LARS1: variants seen among roughly 807,000 people sequenced by gnomAD.
The protein encoded by LARS1 is leucyl-tRNA synthetase 1.
In LARS1, 100 loss-of-function variants were observed where a neutral mutation model predicts 162.8. The ratio of observed to expected loss-of-function variants is 0.61; its 90% confidence interval spans 0.52 to 0.73. LARS1 has a LOEUF of 0.73. Among genes scored for constraint, LARS1 ranks in the 30% least tolerant of loss-of-function variants. The pLI, the probability that LARS1 is intolerant of heterozygous loss-of-function variation, is 0.00. For synonymous variants in LARS1, 457 were observed against 462.8 expected (o/e 0.99, Z 0.16); for missense variants, 1,258 against 1,408.9 (o/e 0.89, Z 1.71).
chr5:146,144,310 T>G lies in LARS1; in HGVS notation c.1695A>C (p.Leu565Phe). The change falls in exon 18 of 32, where the codon TTA becomes TTC. Residue 565 changes from leucine to phenylalanine, a missense_variant. Physicochemically the swap from Leu to Phe is conservative, Grantham distance 22. Transcript: ENST00000394434. The part of the protein sequence containing the change: ...EETRRNFEAT[L>F]GWLQEHACSR... ...AGCAAGCATGTTCTTGTAGCCAACCTAAGGTGGCTTCAAAATTCCTCCTGG... is the reference window on the plus strand; with the variant it reads ...AGCAAGCATGTTCTTGTAGCCAACCGAAGGTGGCTTCAAAATTCCTCCTGG... 6.2e-7 allele frequency: 1 copy of G among 1,613,712 alleles called. No individual in the cohort carries two copies. Among genetic ancestry groups the G allele is most frequent in the Non-Finnish European group, 8.5e-7 (1 of 1,179,926 alleles).
At chr5:146,155,486 T>C (rs1201488717) in intron 10 of LARS1, among the ~76,000 whole-genome samples, 1 of 152,216 alleles carries the variant, frequency 6.6e-6, no homozygotes, top group African/African-American at 2.4e-5. Context: ...AGTAAAAGGA[T>C]AGTTCTAATT....
chr5:146,148,431 A>G (rs1411884133), intron 15 of LARS1, among the ~76,000 whole-genome samples: 4 of 152,250 alleles, frequency 2.6e-5, no homozygotes, highest in Admixed American at 2.6e-4. Context: ...GAAATGGAGT[A>G]CTGACGAGTG....
At chr5:146,168,917 T>C (rs1212789194) in intron 4 of LARS1, among the ~76,000 whole-genome samples, 1 of 151,842 alleles carries the variant, frequency 6.6e-6, no homozygotes, top group Admixed American at 6.6e-5. Flanking sequence ...ATTTAAAGAT[T>C]ACTGTCAGGA....
intron 10 of LARS1, among the ~76,000 whole-genome samples, chr5:146,155,957 A>C (rs1396776729): frequency 6.6e-6 from 1 of 152,240 alleles, no homozygotes; most frequent in Admixed American, 6.5e-5. Flanking sequence ...ATTGTGGTAC[A>C]ACCAAACAAT....
chr5:146,181,554 G>A (rs1019818797), intron 1 of LARS1, among the ~76,000 whole-genome samples: 5 of 151,930 alleles, frequency 3.3e-5, no homozygotes, highest in South Asian at 4.1e-4. Flanking sequence ...TGGGGAGGCT[G>A]AGGTGTGAGG....
chr5:146,132,749 G>A (rs1057000472), intron 23 of LARS1, 149 bp downstream of exon 23: 8 of 589,554 alleles, frequency 1.4e-5, no homozygotes, highest in East Asian at 2.9e-5. Flanking sequence ...CATAGTACCC[G>A]GCACAAGTAA....
intron 28 of LARS1, among the ~76,000 whole-genome samples, chr5:146,125,925 A>G (rs1752023135): frequency 6.6e-6 from 1 of 151,986 alleles, no homozygotes; most frequent in Non-Finnish European, 1.5e-5. Context: ...AGGTAGTTCT[A>G]CTGGCTTCTA....
chr5:146,128,939 A>C (rs1752158463), intron 26 of LARS1, 39 bp downstream of exon 26: 1 of 1,530,246 alleles, frequency 6.5e-7, no homozygotes, highest in African/African-American at 1.4e-5. Context: ...ATAACTTTTA[A>C]GGAATAATCC....
At chr5:146,179,317 A>C (rs1754731490) in intron 1 of LARS1, among the ~76,000 whole-genome samples, 1 of 151,942 alleles carries the variant, frequency 6.6e-6, no homozygotes, top group African/African-American at 2.4e-5. Context: ...GCGTGCCACC[A>C]TACCTGGCTA....
At chr5:146,135,803 A>G in intron 21 of LARS1, 139 bp from the exon 22 acceptor site, 1 of 594,822 alleles carries the variant, frequency 1.7e-6, no homozygotes, top group Non-Finnish European at 2.8e-6. Flanking sequence ...AAGATATTAC[A>G]CTAATTTTAG....
At chr5:146,157,343 A>G (rs549235804) in intron 10 of LARS1, 60 bp downstream of exon 10, 1 of 1,396,662 alleles carries the variant, frequency 7.2e-7, no homozygotes, top group South Asian at 1.2e-5. Context: ...CTCAATATTC[A>G]TTGTTGAAAT....
intron 20 of LARS1, among the ~76,000 whole-genome samples, chr5:146,142,264 G>C (rs989423105): frequency 6.1e-5 from 9 of 148,498 alleles, no homozygotes; most frequent in African/African-American, 2.2e-4. Context: ...CTCCAGCCTG[G>C]ACTCTGTCTC....
intron 20 of LARS1, among the ~76,000 whole-genome samples, chr5:146,140,869 A>G (rs1033217928): frequency 2.0e-5 from 3 of 152,024 alleles, no homozygotes; most frequent in Non-Finnish European, 4.4e-5. Flanking sequence ...ACACACACAC[A>G]TATATATACA....
intron 6 of LARS1, among the ~76,000 whole-genome samples, chr5:146,162,531 CAT>C (rs1753820628): frequency 6.6e-6 from 1 of 152,060 alleles, no homozygotes; most frequent in African/African-American, 2.4e-5. Context: ...ATTTACAGAG[CAT>C]AGAGTAGATT....
At chr5:146,119,008 C>A (rs994613508) in intron 31 of LARS1, among the ~76,000 whole-genome samples, 1 of 152,146 alleles carries the variant, frequency 6.6e-6, no homozygotes, top group Non-Finnish European at 1.5e-5. Flanking sequence ...TTTCCCCTTA[C>A]CTTTATGGGT....
At chr5:146,153,560 G>GAAA (rs57378167) in intron 12 of LARS1, among the ~76,000 whole-genome samples, 174 bp downstream of exon 12, 44 of 152,304 alleles carry the variant, frequency 2.9e-4, no homozygotes, top group African/African-American at 1.0e-3. Context: ...AAAATTCTGT[G>GAAA]AACATATTTA....
At chr5:146,175,603 G>T (rs1242065758) in intron 2 of LARS1, among the ~76,000 whole-genome samples, 2 of 151,268 alleles carry the variant, frequency 1.3e-5, no homozygotes, top group African/African-American at 4.8e-5. Flanking sequence ...ACTTTGGAAG[G>T]CCGAGGCAGG....
chr5:146,138,932 C>T, intron 21 of LARS1: 1 of 347,628 alleles, frequency 2.9e-6, no homozygotes. Context: ...ATGGTTCATG[C>T]CAAATTCCTA....
intron 10 of LARS1, among the ~76,000 whole-genome samples, chr5:146,156,470 G>C (rs1327349022): frequency 6.6e-6 from 1 of 152,078 alleles, no homozygotes; most frequent in Non-Finnish European, 1.5e-5. Context: ...GAGGTGGGTG[G>C]ATCACCCGAG....
Sources: allele counts gnomAD v4.1 joint callset (sites outside exome capture counted in the v4.1 genomes callset), GRCh38; gene constraint gnomAD v4.1.1; transcripts MANE v1.5; gene names NCBI Gene and HGNC (gene_info 2026-07-23, HGNC 2026-07-21).